Variants in PTPRT observed in about 807,000 individuals in gnomAD.
PTPRT encodes receptor-type tyrosine-protein phosphatase T.
A neutral mutation model predicts 176.8 loss-of-function variants in PTPRT; 56 were observed. The ratio of observed to expected loss-of-function variants is 0.32; its 90% CI spans 0.26 to 0.40. The LOEUF (loss-of-function observed/expected upper bound fraction) is 0.40, where lower values mean the gene tolerates loss of function less well. PTPRT is among the 10% of genes least tolerant of loss of function. The probability of loss-of-function intolerance (pLI) is 1.00; values close to 1 mark genes in which losing one functional copy is unlikely to be tolerated. For synonymous variants in PTPRT, 783 were observed against 739.0 expected (o/e 1.06, Z -0.96); for missense variants, 1,540 against 1,908.2 (o/e 0.81, Z 3.60).
chr20:43,043,956 G>A (rs1272947750), intron 1 of PTPRT, among the ~76,000 whole-genome samples: 1 of 152,064 alleles, frequency 6.6e-6, no homozygotes, highest in Non-Finnish European at 1.5e-5. Flanking sequence ...GAGAACAGCT[G>A]ATATGCCCAA....
intron 6 of PTPRT, among the ~76,000 whole-genome samples, chr20:42,691,840 GC>G (rs1266659528): frequency 6.6e-6 from 1 of 152,198 alleles, no homozygotes; most frequent in Non-Finnish European, 1.5e-5. Context: ...GTGGCTTCAT[GC>G]TGTTGTCTAC....
In PTPRT at chr20:42,352,269, A is replaced by T. The variant is rs2145525589; in HGVS notation, c.1577T>A (p.Val526Asp). ...ITLYEINYKA[V>D]GSLDPSADLS... ...GTCAGCACTTGGGTCCAGCGAGCCG[A>T]CAGCCTTGTAGTTGATCTGTAGGAC... Residue 526 changes from valine to aspartate, a missense_variant, in exon 10 of 31, where the codon GTC (valine) becomes GAC (aspartate). Around this residue, in one of 11 missense-constraint regions of PTPRT, gnomAD observed 136 missense variants for 135.0 expected, o/e 1.01. Coordinates refer to ENST00000373187, the MANE Select transcript of PTPRT (RefSeq NM_007050.6). 1.2e-6 allele frequency: 2 copies of T among 1,614,162 alleles called. No homozygotes were observed. Among genetic ancestry groups the T allele is most frequent in the Non-Finnish European group, 1.7e-6 (2 of 1,180,016 alleles).
chr20:42,572,015 C>A (rs542338399), intron 7 of PTPRT, among the ~76,000 whole-genome samples: 1 of 152,148 alleles, frequency 6.6e-6, no homozygotes, highest in Admixed American at 6.5e-5. Flanking sequence ...TTATTAGCAA[C>A]AGAAATTCAT....
chr20:42,308,359 G>A (rs914464980), intron 12 of PTPRT, among the ~76,000 whole-genome samples: 8 of 152,132 alleles, frequency 5.3e-5, no homozygotes, highest in African/African-American at 1.9e-4. Flanking sequence ...GTTAAACTAA[G>A]AGGAATACAG....
intron 12 of PTPRT, 146 bp downstream of exon 12, chr20:42,315,577 T>A: frequency 1.1e-6 from 1 of 921,268 alleles, no homozygotes; most frequent in Non-Finnish European, 1.6e-6. Context: ...GCTGTACTAT[T>A]ATTTTTTTAA....
At chr20:43,169,726 T>C (rs559595367) in intron 1 of PTPRT, among the ~76,000 whole-genome samples, 2 of 152,088 alleles carry the variant, frequency 1.3e-5, no homozygotes, top group East Asian at 3.9e-4. Flanking sequence ...TCTCTAGTAA[T>C]GAGGTCATCA....
At chr20:42,216,375 C>T (rs892963334) in intron 15 of PTPRT, among the ~76,000 whole-genome samples, 10 of 152,314 alleles carry the variant, frequency 6.6e-5, no homozygotes, top group African/African-American at 1.4e-4. Context: ...TTGGAACAAG[C>T]GGGTATCCTG....
At chr20:42,369,779 A>G (rs549459276) in intron 9 of PTPRT, among the ~76,000 whole-genome samples, 9 of 152,306 alleles carry the variant, frequency 5.9e-5, no homozygotes, top group Non-Finnish European at 8.8e-5. Context: ...AAGCCTGGGT[A>G]TCGGGTTTCC....
At chr20:42,891,219 A>T (rs1037679797) in intron 1 of PTPRT, among the ~76,000 whole-genome samples, 6 of 152,176 alleles carry the variant, frequency 3.9e-5, no homozygotes, top group Non-Finnish European at 7.3e-5. Flanking sequence ...ACCTCACCAC[A>T]ATCATTTTTG....
intron 9 of PTPRT, among the ~76,000 whole-genome samples, chr20:42,411,861 G>A (rs1203815435): frequency 2.0e-5 from 3 of 150,414 alleles, no homozygotes; most frequent in Non-Finnish European, 4.4e-5. Context: ...AAAAAAAATA[G>A]TATCAGAGAA....
chr20:42,484,495 G>T (rs2071436303), intron 7 of PTPRT, among the ~76,000 whole-genome samples: 1 of 152,150 alleles, frequency 6.6e-6, no homozygotes. Context: ...CACAAAACTT[G>T]CATTTCATCA....
chr20:42,369,143 T>A (rs2058554313), intron 9 of PTPRT, among the ~76,000 whole-genome samples: 1 of 151,086 alleles, frequency 6.6e-6, no homozygotes, highest in African/African-American at 2.4e-5. Context: ...CATCCATCCA[T>A]CCATCCTCCC....
At chr20:42,212,688 G>C (rs2055673221) in intron 15 of PTPRT, among the ~76,000 whole-genome samples, 2 of 152,172 alleles carry the variant, frequency 1.3e-5, no homozygotes, top group African/African-American at 4.8e-5. Flanking sequence ...CCGTCAGACT[G>C]TTGGGAGGAT....
chr20:42,713,979 C>A (rs1489950827), intron 6 of PTPRT, among the ~76,000 whole-genome samples: 1 of 152,174 alleles, frequency 6.6e-6, no homozygotes, highest in Non-Finnish European at 1.5e-5. Flanking sequence ...CCAATTAAAT[C>A]TCTTTCTTTA....
intron 1 of PTPRT, among the ~76,000 whole-genome samples, chr20:43,133,602 C>T (rs2013715746): frequency 6.6e-6 from 1 of 151,996 alleles, no homozygotes; most frequent in Non-Finnish European, 1.5e-5. Context: ...AAAACATTAG[C>T]CGGGCATGGT....
chr20:42,523,539 G>A (rs1009366240), intron 7 of PTPRT, among the ~76,000 whole-genome samples: 4 of 152,132 alleles, frequency 2.6e-5, no homozygotes, highest in African/African-American at 9.7e-5. Flanking sequence ...GTTTGTTTGT[G>A]TGAGGGAATT....
At chr20:42,211,651 G>C (rs1172716853) in intron 15 of PTPRT, among the ~76,000 whole-genome samples, 11 of 147,270 alleles carry the variant, frequency 7.5e-5, no homozygotes, top group Non-Finnish European at 4.5e-5. Flanking sequence ...GAAACAACAG[G>C]TGCTGGAGAG....
At chr20:43,059,822 T>C (rs1485898393) in intron 1 of PTPRT, among the ~76,000 whole-genome samples, 6 of 151,966 alleles carry the variant, frequency 3.9e-5, no homozygotes, top group Admixed American at 6.5e-5. Flanking sequence ...CTACTAAAAA[T>C]ACAAAAATTA....
intron 7 of PTPRT, among the ~76,000 whole-genome samples, chr20:42,600,581 G>A (rs565076900): frequency 2.4e-4 from 36 of 152,218 alleles, no homozygotes; most frequent in Middle Eastern, 6.8e-3. Context: ...ACATTGCGCC[G>A]ATAGGTAGTA....
Sources: allele counts gnomAD v4.1 joint callset (sites outside exome capture counted in the v4.1 genomes callset), GRCh38; gene constraint gnomAD v4.1.1; regional missense constraint gnomAD v4.1.1; transcripts MANE v1.5; gene names NCBI Gene and HGNC (gene_info 2026-07-23, HGNC 2026-07-21).